The following ACOXL variants were observed in gnomAD, a reference collection of about 807,000 sequenced individuals.
The protein encoded by ACOXL is acyl-coenzyme A oxidase-like protein.
ACOXL carries 70 observed loss-of-function variants against 71.9 expected under a neutral mutation model. The ratio of observed to expected loss-of-function variants is 0.97; its 90% CI spans 0.80 to 1.19. ACOXL has a LOEUF of 1.19. Ranked by LOEUF, ACOXL falls within the 50% of genes most tolerant of loss-of-function variation. ACOXL has a pLI of 0.00. For synonymous variants in ACOXL, 253 were observed against 281.6 expected, an observed-to-expected ratio of 0.90 and a Z score of 1.02; for missense variants, 703 against 736.3, an observed-to-expected ratio of 0.95 and a Z score of 0.52.
intron 1 of ACOXL, among the ~76,000 whole-genome samples, chr2:110,753,057 T>C (rs1679211625): frequency 6.6e-6 from 1 of 152,138 alleles, no homozygotes; most frequent in Non-Finnish European, 1.5e-5. Context: ...AAATTCTTCA[T>C]GAATGGCTTG....
At chr2:110,867,683 C>T (rs907450693) in intron 10 of ACOXL, among the ~76,000 whole-genome samples, 1 of 152,058 alleles carries the variant, frequency 6.6e-6, no homozygotes, top group African/African-American at 2.4e-5. Context: ...TCAAAGGAGT[C>T]TTTGCGTTTT....
At chr2:111,026,641 T>A (rs957704962) in intron 14 of ACOXL, among the ~76,000 whole-genome samples, 1 of 152,120 alleles carries the variant, frequency 6.6e-6, no homozygotes, top group African/African-American at 2.4e-5. Flanking sequence ...GAAATACAAT[T>A]GATTTTTGTA....
chr2:110,852,007 A>G (rs1692663203), intron 10 of ACOXL, among the ~76,000 whole-genome samples: 1 of 152,212 alleles, frequency 6.6e-6, no homozygotes, highest in Non-Finnish European at 1.5e-5. Flanking sequence ...AGCCCCCAGC[A>G]TATTTCCTGG....
chr2:110,786,767 C>T (rs1181463625), intron 3 of ACOXL, among the ~76,000 whole-genome samples: 1 of 152,202 alleles, frequency 6.6e-6, no homozygotes, highest in Non-Finnish European at 1.5e-5. Flanking sequence ...CAGCCTGTAG[C>T]ATAAAGCAGA....
At chr2:110,923,949 AGAG>A (rs1371338741) in intron 11 of ACOXL, among the ~76,000 whole-genome samples, 1 of 151,994 alleles carries the variant, frequency 6.6e-6, no homozygotes, top group East Asian at 1.9e-4. Flanking sequence ...AAAAAAAAAA[AGAG>A]AAACAGAGCA....
chr2:111,020,202 A>ACTCTC (rs1410776128), intron 14 of ACOXL, among the ~76,000 whole-genome samples: 3 of 151,578 alleles, frequency 2.0e-5, no homozygotes, highest in Admixed American at 1.3e-4. Flanking sequence ...ATCCATCTCT[A>ACTCTC]CTCTCACCAC....
rs964363763 is a variant in ACOXL at position 110,949,342 on chromosome 2, A to T, written c.1059+15700A>T. Among the ~76,000 whole-genome samples, 9 of 152,108 alleles carry T rather than the reference A, an allele frequency of 5.9e-5. No homozygotes were observed. In the East Asian group the frequency reaches 1.5e-3, roughly 26 times the overall value. ...CTTTATCAGCCAGACTCTTTGCTCA[A>T]GAGTCTCATTTTTCCCGGGCATCAA... On this transcript the variant is annotated intron_variant, in intron 12 of 17. Coordinates refer to ENST00000439055, the MANE Select transcript of ACOXL (RefSeq NM_001142807.4).
chr2:110,951,768 G>A (rs2061341973), intron 12 of ACOXL, among the ~76,000 whole-genome samples: 1 of 152,074 alleles, frequency 6.6e-6, no homozygotes, highest in African/African-American at 2.4e-5. Context: ...ATCTGTTAAT[G>A]TGATGAATTT....
intron 12 of ACOXL, among the ~76,000 whole-genome samples, chr2:110,986,022 T>C: frequency 6.6e-6 from 1 of 152,228 alleles, no homozygotes; most frequent in South Asian, 2.1e-4. Flanking sequence ...AATATGACTA[T>C]GCTATTTGTC....
At chr2:110,919,388 A>G (rs1337851301) in intron 11 of ACOXL, among the ~76,000 whole-genome samples, 1 of 134,110 alleles carries the variant, frequency 7.5e-6, no homozygotes, top group Admixed American at 7.8e-5. Flanking sequence ...GGGGAACATC[A>G]CACACCGGGG....
chr2:110,870,453 C>G lies in ACOXL; in HGVS notation c.788+29048C>G, dbSNP rs114276002. Among the ~76,000 whole-genome samples the G allele has an allele frequency of 1.8e-3, 275 of 152,014 alleles. 2 individuals carry two copies. The highest frequency in any genetic ancestry group is 6.5e-3 in the African/African-American group (269 of 41,456). ...ACAGAACACAGAAGTGGACTGAATT[C>G]CAGGGGCAGGAGGGGAGGGCATTTA... On this transcript the variant is annotated intron_variant, in intron 10 of 17. Transcript: ENST00000439055.
At chr2:111,007,105 G>T (rs1299891987) in intron 14 of ACOXL, among the ~76,000 whole-genome samples, 2 of 152,198 alleles carry the variant, frequency 1.3e-5, no homozygotes, top group Non-Finnish European at 2.9e-5. Context: ...TCCCATGGGA[G>T]TATGAGAGCT....
At chr2:110,909,735 C>T (rs2059584139) in intron 11 of ACOXL, among the ~76,000 whole-genome samples, 1 of 150,840 alleles carries the variant, frequency 6.6e-6, no homozygotes, top group Admixed American at 6.6e-5. Context: ...CTTGGCATAT[C>T]TAGTGTGCTG....
At chr2:111,093,315 C>T (rs1490412523) in intron 17 of ACOXL, among the ~76,000 whole-genome samples, 3 of 151,824 alleles carry the variant, frequency 2.0e-5, no homozygotes, top group Non-Finnish European at 4.4e-5. Flanking sequence ...AAGAAAGACC[C>T]GGGGTATTTT....
chr2:110,791,471 AT>A (rs1386876591), intron 3 of ACOXL, among the ~76,000 whole-genome samples: 1 of 152,148 alleles, frequency 6.6e-6, no homozygotes, highest in Admixed American at 6.5e-5. Flanking sequence ...TTAGAAAAAT[AT>A]TTTTTTAAAC....
At chr2:111,106,511 A>G (rs759654349) in intron 17 of ACOXL, among the ~76,000 whole-genome samples, 1 of 152,016 alleles carries the variant, frequency 6.6e-6, no homozygotes, top group Non-Finnish European at 1.5e-5. Flanking sequence ...TAATCCCACT[A>G]TCTCTGTCAT....
intron 11 of ACOXL, among the ~76,000 whole-genome samples, chr2:110,922,607 C>CT (rs2060120710): frequency 6.6e-6 from 1 of 152,038 alleles, no homozygotes; most frequent in Non-Finnish European, 1.5e-5. Flanking sequence ...AACATGTTTC[C>CT]TTTTTCTTCA....
chr2:110,852,670 TC>T (rs1283057527), intron 10 of ACOXL, among the ~76,000 whole-genome samples: 1 of 152,160 alleles, frequency 6.6e-6, no homozygotes, highest in East Asian at 1.9e-4. Context: ...TGCTGGGACA[TC>T]CCCTGGAGGG....
chr2:111,117,940 G>A lies in ACOXL; in HGVS notation c.*124G>A. On this transcript the variant is annotated 3_prime_UTR_variant, in exon 18 of 18. Transcript: ENST00000439055. The stretch of plus-strand genomic sequence containing the variant: ...TGGGCCGCCACTCTCGGGGATTTTG[G>A]TGGCAAAGCGGAGGTCCCGCCGAGG... 1.6e-6 allele frequency: 2 copies of A among 1,221,532 alleles called. No homozygotes were observed. Among genetic ancestry groups the A allele is most frequent in the South Asian group, 3.1e-5 (2 of 63,760 alleles). 75.7% of individuals were successfully genotyped at this position (1,221,532 alleles called of 1,614,324 possible).
Sources: allele counts gnomAD v4.1 joint callset (sites outside exome capture counted in the v4.1 genomes callset), GRCh38; gene constraint gnomAD v4.1.1; transcripts MANE v1.5; gene names NCBI Gene and HGNC (gene_info 2026-07-23, HGNC 2026-07-21).